The following MAN2A1 variants were observed in gnomAD, a reference collection of about 807,000 sequenced individuals.
The protein encoded by MAN2A1 is mannosidase alpha class 2A member 1, also known as alpha-mannosidase 2.
A neutral mutation model predicts 142.6 loss-of-function variants in MAN2A1; 76 were observed. The observed-to-expected ratio is 0.53, with a 90% CI of 0.44 to 0.65. The LOEUF is 0.65. MAN2A1 is among the 30% of genes least tolerant of loss of function. The pLI, the probability that MAN2A1 is intolerant of heterozygous loss-of-function variation, is 0.00. For missense variants in MAN2A1, 1,311 were observed against 1,365.1 expected, an observed-to-expected ratio of 0.96 and a Z score of 0.62; for synonymous variants, 559 against 473.2, an observed-to-expected ratio of 1.18 and a Z score of -2.35.
intron 4 of MAN2A1, among the ~76,000 whole-genome samples, chr5:109,732,271 C>T (rs2112588640): frequency 6.6e-6 from 1 of 151,284 alleles, no homozygotes; most frequent in South Asian, 2.1e-4. Context: ...AGCCCTTTGT[C>T]AGATGAGTAG....
intron 19 of MAN2A1, among the ~76,000 whole-genome samples, chr5:109,851,474 G>C (rs1472089351): frequency 6.6e-6 from 1 of 152,250 alleles, no homozygotes; most frequent in East Asian, 1.9e-4. Context: ...GAATGGGTTA[G>C]TTATTGCAGG....
At chr5:109,699,910 A>G (rs993886624) in intron 1 of MAN2A1, 7 of 152,252 alleles carry the variant, frequency 4.6e-5, no homozygotes, top group Non-Finnish European at 8.8e-5. Context: ...TTATGATATT[A>G]AATACCATGC....
At chr5:109,853,389 C>T (rs1561544083) in intron 19 of MAN2A1, among the ~76,000 whole-genome samples, 1 of 152,134 alleles carries the variant, frequency 6.6e-6, no homozygotes, top group Non-Finnish European at 1.5e-5. Context: ...AGAGGTGCCC[C>T]AACTCATTCT....
intron 4 of MAN2A1, among the ~76,000 whole-genome samples, chr5:109,740,097 TTCTGTGTGTTCAAGACAG>T (rs1253803426): frequency 6.6e-6 from 1 of 152,124 alleles, no homozygotes; most frequent in Non-Finnish European, 1.5e-5. Context: ...CTGTCTTCAG[TTCTGTGTGTTCAAGACAG>T]TATCCAGCAT....
At chr5:109,817,509 A>G in intron 13 of MAN2A1, 71 bp downstream of exon 13, 1 of 1,430,548 alleles carries the variant, frequency 7.0e-7, no homozygotes. Flanking sequence ...TTGTGTATGT[A>G]CAGTAGCCCC....
Position 109,789,040 on chromosome 5 carries a change from C to G in MAN2A1, c.1867C>G (p.Leu623Val). 6.5e-7 allele frequency: 1 copy of G among 1,532,478 alleles called. No homozygotes were observed. The highest frequency in any genetic ancestry group is 9.0e-7 in the Non-Finnish European group (1 of 1,114,916). 94.9% of individuals were successfully genotyped at this position (1,532,478 alleles called of 1,614,324 possible). A position where few individuals can be genotyped will look rare whatever the true frequency, so the allele number is the denominator to read the frequency against. The change falls in exon 11 of 22, where the codon CTG (leucine) becomes GTG (valine). Residue 623 changes from leucine to valine, a missense_variant. This residue lies in a region of MAN2A1 where 890 missense variants were observed against 920.5 expected (regional missense o/e 0.97). Transcript: ENST00000261483. ...TYDSYSPDTF[L>V]EMDLKQKSQD... ...CGACTCTTACTCTCCTGATACCTTC[C>G]TGGAGATGGTTAGTAATTTCATCTA...
chr5:109,692,240 A>G (rs1045007259), intron 1 of MAN2A1, among the ~76,000 whole-genome samples: 10 of 152,116 alleles, frequency 6.6e-5, no homozygotes, highest in Admixed American at 6.5e-4. Flanking sequence ...CTTAGTCCTC[A>G]ATGAGAGGCT....
chr5:109,852,679 C>T (rs1755514441), intron 19 of MAN2A1, among the ~76,000 whole-genome samples: 1 of 152,114 alleles, frequency 6.6e-6, no homozygotes, highest in Non-Finnish European at 1.5e-5. Flanking sequence ...TTCCAACCAA[C>T]AAGAAATTAA....
chr5:109,863,472 C>T (rs928767018), intron 20 of MAN2A1: 2 of 152,204 alleles, frequency 1.3e-5, no homozygotes, highest in African/African-American at 4.8e-5. Flanking sequence ...ACTCCCCACT[C>T]AGGCTCTGAA....
intron 4 of MAN2A1, among the ~76,000 whole-genome samples, chr5:109,738,416 T>C (rs183669317): frequency 1.2e-4 from 19 of 152,174 alleles, no homozygotes; most frequent in Admixed American, 9.2e-4. Flanking sequence ...GATACCATCT[T>C]TTCTCTTTTT....
chr5:109,690,589 G>C, intron 1 of MAN2A1, 37 bp downstream of exon 1: 2 of 1,554,440 alleles, frequency 1.3e-6, no homozygotes, highest in Non-Finnish European at 1.7e-6. Flanking sequence ...GCTCCGAGGG[G>C]CCAGGCGTGC....
chr5:109,797,923 C>G (rs145996793), intron 12 of MAN2A1, among the ~76,000 whole-genome samples: 5 of 152,208 alleles, frequency 3.3e-5, no homozygotes, highest in Non-Finnish European at 5.9e-5. Context: ...AGTAGAGAGA[C>G]ATTTTCAGAT....
chr5:109,793,877 T>C (rs1753796472), intron 12 of MAN2A1, among the ~76,000 whole-genome samples: 1 of 152,222 alleles, frequency 6.6e-6, no homozygotes, highest in Admixed American at 6.5e-5. Context: ...CAACATAGCC[T>C]GATTCTACAT....
intron 3 of MAN2A1, among the ~76,000 whole-genome samples, chr5:109,717,047 A>G (rs970705436): frequency 6.6e-6 from 1 of 151,448 alleles, no homozygotes; most frequent in African/African-American, 2.4e-5. Flanking sequence ...CCAGTCACAG[A>G]TAATTTAGTT....
intron 19 of MAN2A1, among the ~76,000 whole-genome samples, chr5:109,853,429 C>T (rs1368357): frequency 0.38 from 57,515 of 151,960 alleles, 11,666 homozygotes; most frequent in African/African-American, 0.53. Context: ...GAAACACCAA[C>T]GGTTAGGAAG....
At chr5:109,731,297 T>C (rs1473418096) in intron 4 of MAN2A1, among the ~76,000 whole-genome samples, 3 of 151,986 alleles carry the variant, frequency 2.0e-5, no homozygotes, top group African/African-American at 7.2e-5. Flanking sequence ...GACCAATCAA[T>C]TTTAATTAAC....
chr5:109,816,558 T>A (rs1316489518), intron 12 of MAN2A1, among the ~76,000 whole-genome samples: 1 of 152,176 alleles, frequency 6.6e-6, no homozygotes, highest in Non-Finnish European at 1.5e-5. Context: ...GTATATAAAA[T>A]ATATGTGTGA....
intron 12 of MAN2A1, among the ~76,000 whole-genome samples, chr5:109,803,097 T>C (rs1754073729): frequency 6.6e-6 from 1 of 152,084 alleles, no homozygotes; most frequent in African/African-American, 2.4e-5. Context: ...TAAATCATTC[T>C]TTTCTTCAAT....
At position 109,858,348 on chromosome 5, in the gene MAN2A1, TAGA is replaced by T. The variant is rs1755675221; in HGVS notation, c.3171+3017_3171+3019del. On this transcript the variant is annotated intron_variant, in intron 20 of 21. Transcript: ENST00000261483. ...TTTAAAGAATTCCCTAACCTGATAA[TAGA>T]AGGATAATCATTGAAGGGAACTGTT... Among the ~76,000 whole-genome samples the T allele has an allele frequency of 2.0e-5, 3 of 152,100 alleles. No individual in the cohort carries two copies. In the South Asian group the frequency reaches 6.2e-4, roughly 32 times the overall value.
Sources: allele counts gnomAD v4.1 joint callset (sites outside exome capture counted in the v4.1 genomes callset), GRCh38; gene constraint gnomAD v4.1.1; regional missense constraint gnomAD v4.1.1; transcripts MANE v1.5; gene names NCBI Gene and HGNC (gene_info 2026-07-23, HGNC 2026-07-21).